Variants in GAD1 observed in about 807,000 individuals in gnomAD.
The protein encoded by GAD1 is glutamate decarboxylase 1.
GAD1 carries 35 observed loss-of-function variants against 75.2 expected under a neutral mutation model. The observed-to-expected ratio is 0.47, with a 90% CI of 0.36 to 0.62. The LOEUF is 0.62. Ranked by LOEUF, GAD1 falls within the 20% of genes least tolerant of loss-of-function variation. GAD1 has a pLI of 0.00. For synonymous variants in GAD1, 257 were observed against 271.9 expected, an observed-to-expected ratio of 0.95 and a Z score of 0.54; for missense variants, 490 against 758.5, an observed-to-expected ratio of 0.65 and a Z score of 4.16.
At chr2:170,841,135 G>A (rs1047650578) in intron 6 of GAD1, among the ~76,000 whole-genome samples, 1 of 152,176 alleles carries the variant, frequency 6.6e-6, no homozygotes, top group African/African-American at 2.4e-5. Flanking sequence ...CTTCTGGCAG[G>A]TTTAGTTTCT....
chr2:170,851,521 TAGG>T (rs2105806564), intron 12 of GAD1, among the ~76,000 whole-genome samples: 1 of 152,272 alleles, frequency 6.6e-6, no homozygotes, highest in East Asian at 1.9e-4. Flanking sequence ...ATTATTTTGT[TAGG>T]TCCTTTAACT....
chr2:170,815,304 T>G (rs1298157837), upstream of GAD1, among the ~76,000 whole-genome samples: 1 of 152,158 alleles, frequency 6.6e-6, no homozygotes, highest in South Asian at 2.1e-4. Flanking sequence ...GTTTAGGATG[T>G]TTTTTGTGTC....
At chr2:170,855,857 A>G (rs1474232630) in intron 14 of GAD1, among the ~76,000 whole-genome samples, 3 of 131,700 alleles carry the variant, frequency 2.3e-5, no homozygotes, top group Admixed American at 8.4e-5. Flanking sequence ...TGGGCAACAG[A>G]GTGAGACTCC....
Position 170,858,875 on chromosome 2 carries a change from A to G in GAD1, c.1593A>G (p.Arg531=). Reference sequence around the variant, plus strand: ...GGGGTGTGCCAGACAGCCCTCAACGACGGGAAAAGCTACACAAGGTATGGA... The same window carrying G: ...GGGGTGTGCCAGACAGCCCTCAACGGCGGGAAAAGCTACACAAGGTATGGA... ...SLRGVPDSPQ[R]REKLHKVAPK... is the part of the protein sequence containing the mutation. Residue 531 remains arginine, a synonymous_variant, in exon 16 of 17, where the codon CGA becomes CGG. Transcript: ENST00000358196. The G allele has an allele frequency of 6.2e-7, 1 of 1,614,126 alleles. No homozygotes were observed. The highest frequency in any genetic ancestry group is 8.5e-7 in the Non-Finnish European group (1 of 1,179,994).
At chr2:170,825,532 G>A (rs1367634827) in intron 3 of GAD1, among the ~76,000 whole-genome samples, 1 of 152,238 alleles carries the variant, frequency 6.6e-6, no homozygotes, top group Admixed American at 6.5e-5. Flanking sequence ...GCCATACACA[G>A]CTCAAAGCCC....
Position 170,831,183 on chromosome 2 carries a change from G to A in GAD1, c.538G>A (p.Val180Ile). The change falls in exon 5 of 17, where the codon GTT becomes ATT. Residue 180 changes from valine (V) to isoleucine (I), a missense_variant. Coordinates refer to ENST00000358196, the MANE Select transcript of GAD1 (RefSeq NM_000817.3). ...CTGCAGAGACACCTTGAAGTATGGG[G>A]TTCGCACAGGTAAGGAGGAGAGTTG... ...VDCRDTLKYG[V>I]RTGHPRFFNQ... 1 of 1,614,176 alleles carries A rather than the reference G, an allele frequency of 6.2e-7. No homozygotes were observed. Among genetic ancestry groups the A allele is most frequent in the African/African-American group, 1.3e-5 (1 of 75,050 alleles).
In GAD1 at chr2:170,853,706, A is replaced by G. The variant is rs933185722; in HGVS notation, c.1264-167A>G. On this transcript the variant is annotated intron_variant, in intron 13 of 16. Transcript: ENST00000358196. This position sits in a 1 kb window ranked among gnomAD's most constrained non-coding sequence, Gnocchi z 4.1. ...GACAAAAGGGATGGCAGTTTTTCCA[A>G]GAGTGATTTTAGAAAAGGGCATCAG... 4.5e-6 allele frequency: 3 copies of G among 662,800 alleles called. No individual in the cohort carries two copies. In the African/African-American group the frequency reaches 5.4e-5, roughly 12 times the overall value. The allele number at this position is 662,800 out of a possible 1,614,324, so 41.1% of individuals were successfully genotyped here.
intron 7 of GAD1, among the ~76,000 whole-genome samples, chr2:170,845,065 T>G (rs1474432061): frequency 6.6e-6 from 1 of 152,172 alleles, no homozygotes; most frequent in Non-Finnish European, 1.5e-5. Flanking sequence ...CCAAGAAATG[T>G]CATTGTTTCT....
At chr2:170,858,100 C>T (rs557581978) in intron 15 of GAD1, among the ~76,000 whole-genome samples, 24 of 152,308 alleles carry the variant, frequency 1.6e-4, no homozygotes, top group Admixed American at 3.3e-4. Flanking sequence ...TGATCATTTA[C>T]ACACTACTTT....
Position 170,853,693 on chromosome 2 carries a change from G to A in GAD1, c.1264-180G>A. On this transcript the variant is annotated intron_variant, in intron 13 of 16. Transcript: ENST00000358196. The surrounding 1 kb of genome is among the most constrained non-coding windows in gnomAD (Gnocchi z 4.1). ...TCAGAGAGTCAGAGACAAAAGGGAT[G>A]GCAGTTTTTCCAAGAGTGATTTTAG... 1.6e-6 allele frequency: 1 copy of A among 623,300 alleles called. No individual in the cohort carries two copies. Among genetic ancestry groups the A allele is most frequent in the South Asian group, 1.8e-5 (1 of 55,598 alleles). 38.6% of individuals were successfully genotyped at this position (623,300 alleles called of 1,614,324 possible). A position where few individuals can be genotyped will look rare whatever the true frequency, so the allele number is the denominator to read the frequency against.
intron 5 of GAD1, among the ~76,000 whole-genome samples, chr2:170,834,422 T>C (rs189497442): frequency 1.3e-5 from 2 of 151,934 alleles, no homozygotes; most frequent in East Asian, 1.9e-4. Flanking sequence ...GAGATGATGA[T>C]GGCATTTAGA....
At chr2:170,831,746 A>T (rs575991052) in intron 5 of GAD1, among the ~76,000 whole-genome samples, 4 of 145,608 alleles carry the variant, frequency 2.7e-5, no homozygotes, top group African/African-American at 9.9e-5. Flanking sequence ...TAATAAATAT[A>T]AAAATAATAT....
At position 170,818,486 on chromosome 2, in the gene GAD1, AC is replaced by A. The variant is rs928391626; in HGVS notation, c.-63-39del. ...CTGCTCAGTCCCTCCGGTGTGCAGGACCCCGGAAGTCCTCCCCGCACAGCTC... is the reference window on the plus strand; with the variant it reads ...CTGCTCAGTCCCTCCGGTGTGCAGGACCCGGAAGTCCTCCCCGCACAGCTC... On this transcript the variant is annotated intron_variant, in intron 1 of 16. Transcript: ENST00000358196. The surrounding 1 kb of genome is among the most constrained non-coding windows in gnomAD (Gnocchi z 5.9). 5 of 1,030,526 alleles carry A rather than the reference AC, an allele frequency of 4.9e-6. No homozygotes were observed. Among genetic ancestry groups the A allele is most frequent in the Non-Finnish European group, 7.7e-6 (5 of 649,602 alleles). The allele number at this position is 1,030,526 out of a possible 1,614,324, so 63.8% of individuals were successfully genotyped here. A position where few individuals can be genotyped will look rare whatever the true frequency, so the allele number is the denominator to read the frequency against.
intron 3 of GAD1, among the ~76,000 whole-genome samples, chr2:170,822,488 C>G (rs1303111159): frequency 6.6e-6 from 1 of 152,254 alleles, no homozygotes; most frequent in Non-Finnish European, 1.5e-5. Flanking sequence ...GCAGCTCCCA[C>G]CCGGTGCCGT....
chr2:170,851,645 C>T (rs1283503531), intron 12 of GAD1, among the ~76,000 whole-genome samples: 1 of 152,174 alleles, frequency 6.6e-6, no homozygotes, highest in Non-Finnish European at 1.5e-5. Context: ...GGGAAAAGAT[C>T]CTTCACAGGT....
At chr2:170,823,720 GGCCGCAGCGCTCGGCTTCTGCA>G (rs1447808579) in intron 3 of GAD1, among the ~76,000 whole-genome samples, 2 of 149,408 alleles carry the variant, frequency 1.3e-5, no homozygotes. Context: ...TCCCTTCGGC[GGCCGCAGCGCTCGGCTTCTGCA>G]GCCGTCATTG....
intron 15 of GAD1, among the ~76,000 whole-genome samples, chr2:170,858,199 G>A (rs181519533): frequency 9.2e-5 from 14 of 152,232 alleles, no homozygotes; most frequent in African/African-American, 2.2e-4. Flanking sequence ...AGCAACCAGC[G>A]AGAAAACTTT....
At chr2:170,855,557 G>A (rs1250599765) in intron 14 of GAD1, among the ~76,000 whole-genome samples, 5 of 150,210 alleles carry the variant, frequency 3.3e-5, no homozygotes, top group African/African-American at 1.2e-4. Context: ...CTATTACAAA[G>A]TAATCATAGG....
chr2:170,827,873 T>G (rs13035478), intron 3 of GAD1, among the ~76,000 whole-genome samples: 138,068 of 152,088 alleles, frequency 0.91, 63,277 homozygotes, highest in Middle Eastern at 0.99. Flanking sequence ...AGCTTTTTTT[T>G]GTCTCACAGT....
Sources: allele counts gnomAD v4.1 joint callset (sites outside exome capture counted in the v4.1 genomes callset), GRCh38; gene constraint gnomAD v4.1.1; non-coding constraint Gnocchi (gnomAD v3.1); transcripts MANE v1.5; gene names NCBI Gene and HGNC (gene_info 2026-07-23, HGNC 2026-07-21).